The following DAZAP1 variants were observed in gnomAD, a reference collection of about 807,000 sequenced individuals.
DAZAP1 encodes DAZ-associated protein 1.
A neutral mutation model predicts 60.1 loss-of-function variants in DAZAP1; 6 were observed. The ratio of observed to expected loss-of-function variants is 0.10; its 90% confidence interval spans 0.05 to 0.20. The LOEUF is 0.20. Among genes scored for constraint, DAZAP1 ranks in the 10% least tolerant of loss-of-function variants. DAZAP1 has a pLI of 1.00. For synonymous variants in DAZAP1, 235 were observed against 215.9 expected (o/e 1.09, Z -0.78); for missense variants, 366 against 560.4 (o/e 0.65, Z 3.50).
At chr19:1,424,417 C>T (rs1449550219) in intron 6 of DAZAP1, among the ~76,000 whole-genome samples, 1 of 147,292 alleles carries the variant, frequency 6.8e-6, no homozygotes, top group East Asian at 2.1e-4. Flanking sequence ...CTCAGGTGCA[C>T]ACGTGTGCTC....
chr19:1,433,068 G>A lies in DAZAP1; in HGVS notation c.1048+378G>A, dbSNP rs770887134. On this transcript the variant is annotated intron_variant, in intron 11 of 11. Transcript: ENST00000233078. This position sits in a 1 kb window ranked among gnomAD's most constrained non-coding sequence, Gnocchi z 6.1. ...CCCTTGGTGGGTTCCAGTTTCTGGC[G>A]TCATCAGCCTCCTGCTGGGTCCAGA... is the stretch of plus-strand genomic sequence containing the variant. 19 of 222,706 alleles carry A rather than the reference G, an allele frequency of 8.5e-5. No homozygotes were observed. The highest frequency in any genetic ancestry group is 2.2e-4 in the South Asian group (3 of 13,570). The allele number at this position is 222,706 out of a possible 1,614,324, so 13.8% of individuals were successfully genotyped here.
At chr19:1,409,354 G>C (rs1034253154) in intron 1 of DAZAP1, among the ~76,000 whole-genome samples, 4 of 152,214 alleles carry the variant, frequency 2.6e-5, no homozygotes, top group Admixed American at 6.5e-5. Context: ...CCCAAGCCGT[G>C]GCTGTGAGGA....
intron 4 of DAZAP1, among the ~76,000 whole-genome samples, chr19:1,419,661 T>C (rs1028174131): frequency 1.3e-5 from 2 of 152,230 alleles, no homozygotes; most frequent in Non-Finnish European, 2.9e-5. Flanking sequence ...TGGTTATTAA[T>C]GTCTCTCTAG....
In DAZAP1 at chr19:1,417,316, GT is replaced by G. The variant is rs2083015468; in HGVS notation, c.30-183del. The G allele has an allele frequency of 1.2e-5, 8 of 683,092 alleles. No homozygotes were observed. In the East Asian group the frequency reaches 2.2e-4, roughly 19 times the overall value. The allele number at this position is 683,092 out of a possible 1,614,324, so 42.3% of individuals were successfully genotyped here. A position where few individuals can be genotyped will look rare whatever the true frequency, so the allele number is the denominator to read the frequency against. On this transcript the variant is annotated intron_variant, in intron 1 of 11. Transcript: ENST00000233078. Reference sequence around the variant, plus strand: ...GGCAAGGATTGGGATCATCTTTCATGTCTGCAGACAGCATGGGCGAGGCTGA... The same window carrying G: ...GGCAAGGATTGGGATCATCTTTCATGCTGCAGACAGCATGGGCGAGGCTGA...
At chr19:1,429,134 C>G in intron 8 of DAZAP1, 139 bp downstream of exon 8, 1 of 1,161,480 alleles carries the variant, frequency 8.6e-7, no homozygotes, top group South Asian at 1.8e-5. Context: ...TCCTTGAGCC[C>G]CCGCGAGGTG....
In DAZAP1 at chr19:1,413,710, G is replaced by A. The variant is rs574786749; in HGVS notation, c.30-3790G>A. Among the ~76,000 whole-genome samples the A allele has an allele frequency of 4.0e-3, 610 of 152,350 alleles. 3 individuals are homozygous for A. The highest frequency in any genetic ancestry group is 6.4e-3 in the Non-Finnish European group (438 of 68,024). The stretch of plus-strand genomic sequence containing the variant: ...CTAGCACTTTGGGAGGCCGAGGCGG[G>A]CGGGTCACCTGCGGTGGGGAGCTCC... On this transcript the variant is annotated intron_variant, in intron 1 of 11. Coordinates refer to ENST00000233078, the MANE Select transcript of DAZAP1 (RefSeq NM_018959.4).
chr19:1,429,347 G>C (rs75914203), intron 8 of DAZAP1, among the ~76,000 whole-genome samples: 2,270 of 152,338 alleles, frequency 0.015, 24 homozygotes, highest in Non-Finnish European at 0.021. Flanking sequence ...GCTCAGAATC[G>C]GGGTGCTGCC....
chr19:1,432,441 G>T lies in DAZAP1; in HGVS notation c.872-73G>T. 2.0e-6 allele frequency: 3 copies of T among 1,525,026 alleles called. No homozygotes were observed. The highest frequency in any genetic ancestry group is 1.1e-5 in the South Asian group (1 of 89,172). The allele number at this position is 1,525,026 out of a possible 1,614,324, so 94.5% of individuals were successfully genotyped here. ...CGTCTGGGCAGCTCCTGCTGGGCTG[G>T]GTGTGGGTCTCCTGCTGGTCTGCCC... is the stretch of plus-strand genomic sequence containing the variant. On this transcript the variant is annotated intron_variant, in intron 10 of 11. Coordinates refer to ENST00000233078, the MANE Select transcript of DAZAP1 (RefSeq NM_018959.4). The surrounding 1 kb of genome is among the most constrained non-coding windows in gnomAD (Gnocchi z 4.9).
In DAZAP1 at chr19:1,425,265, C is replaced by T. The variant is rs73515093; in HGVS notation, c.464-613C>T. On this transcript the variant is annotated intron_variant, in intron 6 of 11. Transcript: ENST00000233078. The surrounding 1 kb of genome is among the most constrained non-coding windows in gnomAD (Gnocchi z 5.4). ...AGCGAGGCACCAGCTATGATAGATA[C>T]TGTATCTGTTAACGCTTTAGAACGA... Among the ~76,000 whole-genome samples, 14,338 of 152,242 alleles carry T rather than the reference C, an allele frequency of 0.094. 2,223 individuals carry two copies. The highest frequency in any genetic ancestry group is 0.32 in the African/African-American group (13,456 of 41,488).
chr19:1,421,144 A>T lies in DAZAP1; in HGVS notation c.304-4A>T, dbSNP rs771053093. 1.4e-5 allele frequency: 23 copies of T among 1,613,368 alleles called. No homozygotes were observed. The highest frequency in any genetic ancestry group is 1.9e-5 in the Non-Finnish European group (22 of 1,179,316). On this transcript the variant is annotated splice_region_variant and splice_polypyrimidine_tract_variant and intron_variant, in intron 4 of 11. Coordinates refer to ENST00000233078, the MANE Select transcript of DAZAP1 (RefSeq NM_018959.4). ...GAACTAACTATCCTTCCCTTCTTCA[A>T]CAGCAGAAAGGACCCAGGAGCGATA...
Position 1,433,776 on chromosome 19 carries a change from C to G in DAZAP1, c.1049-961C>G. The G allele has an allele frequency of 6.2e-7, 1 of 1,613,990 alleles. No homozygotes were observed. Among genetic ancestry groups the G allele is most frequent in the Non-Finnish European group, 8.5e-7 (1 of 1,179,908 alleles). ...ATTCTCCAGCCCCGCCGGGCTGCGG[C>G]CCACACTTTGTTTACAGTCTTATGG... On this transcript the variant is annotated intron_variant, in intron 11 of 11. Coordinates refer to ENST00000233078, the MANE Select transcript of DAZAP1 (RefSeq NM_018959.4). This position sits in a 1 kb window ranked among gnomAD's most constrained non-coding sequence, Gnocchi z 6.1.
At chr19:1,419,501 G>A (rs1369415583) in intron 4 of DAZAP1, among the ~76,000 whole-genome samples, 1 of 152,132 alleles carries the variant, frequency 6.6e-6, no homozygotes, top group East Asian at 1.9e-4. Flanking sequence ...GCCACCCCTC[G>A]CATGCACCCA....
At chr19:1,411,850 T>G (rs142149109) in intron 1 of DAZAP1, among the ~76,000 whole-genome samples, 1 of 152,344 alleles carries the variant, frequency 6.6e-6, no homozygotes, top group African/African-American at 2.4e-5. Context: ...ATGTTCATGG[T>G]GCGACCCGTC....
Position 1,433,883 on chromosome 19 carries a change from C to T in DAZAP1, c.1049-854C>T, listed in dbSNP as rs575220654. On this transcript the variant is annotated intron_variant, in intron 11 of 11. Coordinates refer to ENST00000233078, the MANE Select transcript of DAZAP1 (RefSeq NM_018959.4). This position sits in a 1 kb window ranked among gnomAD's most constrained non-coding sequence, Gnocchi z 6.1. Reference sequence around the variant, plus strand: ...CCACCCGCCTGCACCGGGAGGTGGACGTGGCTTCCTCTGCCGTCCCGGGCG... The same window carrying T: ...CCACCCGCCTGCACCGGGAGGTGGATGTGGCTTCCTCTGCCGTCCCGGGCG... 467 of 1,519,196 alleles carry T rather than the reference C, an allele frequency of 3.1e-4. No homozygotes were observed. The highest frequency in any genetic ancestry group is 3.9e-4 in the Non-Finnish European group (430 of 1,095,862). 94.1% of individuals were successfully genotyped at this position (1,519,196 alleles called of 1,614,324 possible).
In DAZAP1 at chr19:1,417,481, T is replaced by C; in HGVS notation, c.30-19T>C. 3 of 1,598,104 alleles carry C rather than the reference T, an allele frequency of 1.9e-6. No homozygotes were observed. Among genetic ancestry groups the C allele is most frequent in the Non-Finnish European group, 2.6e-6 (3 of 1,172,710 alleles). The stretch of plus-strand genomic sequence containing the variant: ...GCGAGCGCTGTCTTGATCCTGAATG[T>C]TTTCTCATTGAATCGCAGGAAGCTC... On this transcript the variant is annotated intron_variant, in intron 1 of 11. Coordinates refer to ENST00000233078, the MANE Select transcript of DAZAP1 (RefSeq NM_018959.4).
chr19:1,422,517 T>C lies in DAZAP1; in HGVS notation c.463+121T>C, dbSNP rs2083187401. On this transcript the variant is annotated intron_variant, in intron 6 of 11. Coordinates refer to ENST00000233078, the MANE Select transcript of DAZAP1 (RefSeq NM_018959.4). This position sits in a 1 kb window ranked among gnomAD's most constrained non-coding sequence, Gnocchi z 4.5. ...AGCAAACAGCCTCAGGAAGGGACGA[T>C]TTGGAGACAAATGACTAAAACGTGG... The C allele has an allele frequency of 1.1e-6, 1 of 871,316 alleles. No homozygotes were observed. Among genetic ancestry groups the C allele is most frequent in the Non-Finnish European group, 1.8e-6 (1 of 548,676 alleles). The allele number at this position is 871,316 out of a possible 1,614,324, so 54.0% of individuals were successfully genotyped here. A position where few individuals can be genotyped will look rare whatever the true frequency, so the allele number is the denominator to read the frequency against.
At position 1,426,097 on chromosome 19, in the gene DAZAP1, G is replaced by T; in HGVS notation, c.546+137G>T. The T allele has an allele frequency of 7.1e-6, 5 of 704,776 alleles. No homozygotes were observed. Among genetic ancestry groups the T allele is most frequent in the East Asian group, 2.7e-5 (1 of 37,670 alleles). The allele number at this position is 704,776 out of a possible 1,614,324, so 43.7% of individuals were successfully genotyped here. On this transcript the variant is annotated intron_variant, in intron 7 of 11. Coordinates refer to ENST00000233078, the MANE Select transcript of DAZAP1 (RefSeq NM_018959.4). The surrounding 1 kb of genome is among the most constrained non-coding windows in gnomAD (Gnocchi z 5.4). ...TGTGAACCTTTGCTGCGTGAGGTGG[G>T]CCTGGGTCTGTAGACGTGAGGAGGG...
chr19:1,421,914 A>G (rs1193419904), intron 5 of DAZAP1, among the ~76,000 whole-genome samples: 1 of 152,038 alleles, frequency 6.6e-6, no homozygotes, highest in African/African-American at 2.4e-5. Context: ...GGGTCTGCAG[A>G]GGAGCTGTGT....
At chr19:1,417,348 C>A in intron 1 of DAZAP1, 152 bp from the exon 2 acceptor site, 1 of 815,430 alleles carries the variant, frequency 1.2e-6, no homozygotes. Flanking sequence ...GCTGACTCGC[C>A]ATTGCTGTGA....
Sources: allele counts gnomAD v4.1 joint callset (sites outside exome capture counted in the v4.1 genomes callset), GRCh38; gene constraint gnomAD v4.1.1; non-coding constraint Gnocchi (gnomAD v3.1); transcripts MANE v1.5; gene names NCBI Gene and HGNC (gene_info 2026-07-23, HGNC 2026-07-21).